Variants in ZGRF1 observed in about 807,000 individuals in gnomAD.
ZGRF1 encodes zinc finger GRF-type containing 1.
In ZGRF1, 196 loss-of-function variants were observed where a neutral mutation model predicts 203.5. That is an observed-to-expected ratio of 0.96 (90% CI 0.86 to 1.08). The LOEUF is 1.08. Ranked by LOEUF, ZGRF1 falls within the 50% of genes least tolerant of loss-of-function variation. The pLI is 0.00. For missense variants in ZGRF1, 2,326 were observed against 2,416.3 expected (o/e 0.96, Z 0.78); for synonymous variants, 809 against 841.3 (o/e 0.96, Z 0.66).
rs1393746966 is a variant in ZGRF1 at position 112,619,055 on chromosome 4, C to A, written c.987G>T (p.Met329Ile). The part of the protein sequence containing the change: ...NTMRNKSRWA[M>I]YLSSQSSPIH... ...TAGGTGAACTCTGTGAGGATAAATA[C>A]ATGGCCCACCGGCTTTTATTTCTCA... The change falls in exon 6 of 28, where the codon ATG becomes ATT. Residue 329 changes from methionine (M) to isoleucine (I), a missense_variant. Coordinates refer to ENST00000505019, the MANE Select transcript of ZGRF1 (RefSeq NM_018392.5). 1 of 1,613,936 alleles carries A rather than the reference C, an allele frequency of 6.2e-7. No homozygotes were observed. Among genetic ancestry groups the A allele is most frequent in the Admixed American group, 1.7e-5 (1 of 59,992 alleles).
intron 17 of ZGRF1, among the ~76,000 whole-genome samples, 158 bp downstream of exon 17, chr4:112,562,973 A>G (rs1020957378): frequency 3.3e-5 from 5 of 152,226 alleles, no homozygotes; most frequent in African/African-American, 1.2e-4. Flanking sequence ...CCTCACAGAA[A>G]TATCTATATA....
At chr4:112,626,519 T>C (rs1215312953) in intron 3 of ZGRF1, among the ~76,000 whole-genome samples, 2 of 152,204 alleles carry the variant, frequency 1.3e-5, no homozygotes, top group Non-Finnish European at 2.9e-5. Context: ...TAGACATACA[T>C]ATGCATTTAA....
chr4:112,573,970 T>A (rs1232652560), intron 16 of ZGRF1, among the ~76,000 whole-genome samples: 1 of 152,210 alleles, frequency 6.6e-6, no homozygotes, highest in East Asian at 1.9e-4. Flanking sequence ...CACAATGCAA[T>A]CATCTTATAC....
chr4:112,551,911 A>T (rs1194615798), intron 22 of ZGRF1, among the ~76,000 whole-genome samples: 1 of 152,168 alleles, frequency 6.6e-6, no homozygotes, highest in East Asian at 1.9e-4. Context: ...TTTGTTACTG[A>T]CCTAGCAAGT....
chr4:112,610,830 CTT>C (rs1751467533), intron 7 of ZGRF1: 2 of 169,988 alleles, frequency 1.2e-5, no homozygotes. Context: ...TGGTAAATAA[CTT>C]TTAAAAAGTA....
chr4:112,606,273 A>G (rs770067724), intron 8 of ZGRF1, among the ~76,000 whole-genome samples, 182 bp from the exon 9 acceptor site: 3 of 152,230 alleles, frequency 2.0e-5, no homozygotes, highest in Non-Finnish European at 4.4e-5. Context: ...GGGGTACTTT[A>G]GCAGGTAAGT....
chr4:112,554,759 T>A lies in ZGRF1; in HGVS notation c.5144A>T (p.Asn1715Ile). Residue 1715 changes from asparagine to isoleucine, a missense_variant, in exon 21 of 28, where the codon AAC becomes ATC. Coordinates refer to ENST00000505019, the MANE Select transcript of ZGRF1 (RefSeq NM_018392.5). ...CCTAACACTCCCAACTCTGATAAAG[T>A]TTTCAAATCCAAGACTGAGAAGCCT... Reference protein sequence around the residue: ...LLGLLSLGFENFIRVGSVRKI... With the variant: ...LLGLLSLGFEIFIRVGSVRKI... The A allele has an allele frequency of 6.5e-7, 1 of 1,540,604 alleles. No homozygotes were observed. Among genetic ancestry groups the A allele is most frequent in the East Asian group, 2.4e-5 (1 of 40,856 alleles).
In ZGRF1 at chr4:112,589,722, A is replaced by G. The variant is rs1747824278; in HGVS notation, c.3127+2T>C. The G allele has an allele frequency of 1.2e-6, 2 of 1,613,510 alleles. No individual in the cohort carries two copies. Among genetic ancestry groups the G allele is most frequent in the Non-Finnish European group, 1.7e-6 (2 of 1,179,538 alleles). On this transcript the variant is annotated splice_donor_variant, in intron 11 of 27. Transcript: ENST00000505019. LOFTEE classifies it high-confidence loss of function. ...ATATTAGAGCAATGTGGTAACGACT[A>G]CCCTCCAAGTTGAGAAAATGAAGAT...
At chr4:112,581,121 CT>C (rs1380098417) in intron 16 of ZGRF1, among the ~76,000 whole-genome samples, 2 of 151,884 alleles carry the variant, frequency 1.3e-5, no homozygotes, top group Non-Finnish European at 2.9e-5. Flanking sequence ...AGTTCATGTC[CT>C]CTGTAGGGAC....
intron 1 of ZGRF1, 40 bp from the exon 2 acceptor site, chr4:112,633,282 T>A (rs1295180233): frequency 3.3e-6 from 3 of 911,316 alleles, no homozygotes; most frequent in African/African-American, 1.7e-5. Flanking sequence ...CCCTGATTTT[T>A]AAAAAATATC....
intron 6 of ZGRF1, among the ~76,000 whole-genome samples, chr4:112,616,869 G>A (rs2046893778): frequency 6.6e-6 from 1 of 151,746 alleles, no homozygotes; most frequent in South Asian, 2.1e-4. Context: ...GTGGAACGGA[G>A]GAAAGAGGAA....
chr4:112,587,764 G>C lies in ZGRF1; in HGVS notation c.3293C>G (p.Pro1098Arg). 1 of 1,555,746 alleles carries C rather than the reference G, an allele frequency of 6.4e-7. No homozygotes were observed. The highest frequency in any genetic ancestry group is 8.7e-7 in the Non-Finnish European group (1 of 1,148,904). Residue 1098 changes from proline (P) to arginine (R), a missense_variant, in exon 12 of 28, where the codon CCC becomes CGC. By Grantham distance (103) the Pro-to-Arg change is moderately radical (BLOSUM62 -2). Transcript: ENST00000505019. ...NSNTYESSGS[P>R]MLNLCEKSAV... Reference sequence around the variant, plus strand: ...TGACTTTTCACACAAATTGAGCATGGGGGAGCCAGAAGACTCGTATGTGTT... The same window carrying C: ...TGACTTTTCACACAAATTGAGCATGCGGGAGCCAGAAGACTCGTATGTGTT...
chr4:112,565,797 A>G (rs1250736477), intron 16 of ZGRF1, among the ~76,000 whole-genome samples: 2 of 152,204 alleles, frequency 1.3e-5, no homozygotes, highest in African/African-American at 2.4e-5. Flanking sequence ...CCACAATGAG[A>G]TACCATCTCA....
intron 16 of ZGRF1, among the ~76,000 whole-genome samples, chr4:112,571,514 A>G (rs1190724452): frequency 6.6e-6 from 1 of 152,134 alleles, no homozygotes; most frequent in Non-Finnish European, 1.5e-5. Flanking sequence ...CAATTTTTAA[A>G]TAAACAGAGA....
chr4:112,618,874 A>G lies in ZGRF1; in HGVS notation c.1168T>C (p.Ser390Pro). 6.2e-7 allele frequency: 1 copy of G among 1,613,584 alleles called. No individual in the cohort carries two copies. Residue 390 changes from serine to proline, a missense_variant, in exon 6 of 28, where the codon TCA becomes CCA. Ser to Pro is a moderately conservative substitution (Grantham distance 74). Coordinates refer to ENST00000505019, the MANE Select transcript of ZGRF1 (RefSeq NM_018392.5). ...CAGGATGGATCATTATTACCGACTG[A>G]CTGGTCTACATTATACTTTTTCCTC... is the stretch of plus-strand genomic sequence containing the variant. ...EERKKYNVDQ[S>P]VGNNDPSWNQ...
chr4:112,614,422 A>G (rs1363479229), intron 6 of ZGRF1, among the ~76,000 whole-genome samples: 1 of 152,230 alleles, frequency 6.6e-6, no homozygotes, highest in East Asian at 1.9e-4. Context: ...TTCTCAAGGT[A>G]ACACTCTGGC....
rs566889299 is a variant in ZGRF1 at position 112,634,858 on chromosome 4, G to A, written c.-66-1616C>T. Among the ~76,000 whole-genome samples, 5 of 152,136 alleles carry A rather than the reference G, an allele frequency of 3.3e-5. No homozygotes were observed. In the East Asian group the frequency reaches 9.8e-4, roughly 30 times the overall value. On this transcript the variant is annotated intron_variant, in intron 1 of 27. Transcript: ENST00000505019. ...TCAGAAATATAACTCCTGGCCGGGT[G>A]TGGTGACTCACGCCTGTAATCCCAG...
At chr4:112,587,989 T>C (rs1747516896) in intron 11 of ZGRF1, 60 bp from the exon 12 acceptor site, 2 of 1,297,560 alleles carry the variant, frequency 1.5e-6, no homozygotes, top group Non-Finnish European at 2.1e-6. Context: ...ACCTAGGCTC[T>C]AGAAAACAGT....
At chr4:112,589,987 G>A (rs1747879878) in intron 10 of ZGRF1, 113 bp from the exon 11 acceptor site, 8 of 709,732 alleles carry the variant, frequency 1.1e-5, no homozygotes, top group Non-Finnish European at 1.7e-5. Context: ...AGCACATTAT[G>A]TAGAGCTATG....
Sources: allele counts gnomAD v4.1 joint callset (sites outside exome capture counted in the v4.1 genomes callset), GRCh38; gene constraint gnomAD v4.1.1; transcripts MANE v1.5; gene names NCBI Gene and HGNC (gene_info 2026-07-23, HGNC 2026-07-21).